The following ILKAP variants were observed in gnomAD, a reference collection of about 807,000 sequenced individuals.
ILKAP encodes integrin-linked kinase-associated serine/threonine phosphatase 2C.
Under a neutral mutation model 49.1 loss-of-function variants are expected in ILKAP, and 11 were observed. The observed-to-expected ratio is 0.22, with a 90% confidence interval of 0.14 to 0.37. ILKAP has a LOEUF of 0.37. ILKAP is among the 10% of genes least tolerant of loss of function. The pLI, the probability that ILKAP is intolerant of heterozygous loss-of-function variation, is 1.00. For synonymous variants in ILKAP, 186 were observed against 192.8 expected (o/e 0.96, Z 0.29); for missense variants, 363 against 510.8 (o/e 0.71, Z 2.79).
chr2:238,188,152 C>A lies in ILKAP; in HGVS notation c.404G>T (p.Cys135Phe). 4 of 1,614,162 alleles carry A rather than the reference C, an allele frequency of 2.5e-6. No homozygotes were observed. The highest frequency in any genetic ancestry group is 3.4e-6 in the Non-Finnish European group (4 of 1,180,028). Residue 135 changes from cysteine to phenylalanine, a missense_variant, in exon 5 of 12, where the codon TGT becomes TTT. Transcript: ENST00000254654. ...HVILNDITEECRPPSSLITRV... is the reference protein window; with the variant it reads ...HVILNDITEEFRPPSSLITRV... ...TCACATGAGGGACGATGGGGGCCTA[C>A]ACTCCTCGGTGATGTCGTTCAGGAT...
In ILKAP at chr2:238,203,544, A is replaced by G; in HGVS notation, c.10T>C (p.Phe4Leu). ...CGCTCGGGCTCCGGCAGGTCCCCGA[A>G]GAGGTCCATGGCGGAGGCTGGGTGG... The part of the protein sequence containing the change: MDL[F>L]GDLPEPERSP... Residue 4 changes from phenylalanine to leucine, a missense_variant, in exon 1 of 12, where the codon TTC (phenylalanine) becomes CTC (leucine). By Grantham distance (22) the Phe-to-Leu change is conservative (BLOSUM62 0). Around this residue, in one of 3 missense-constraint regions of ILKAP, gnomAD observed 114 missense variants for 116.0 expected, o/e 0.98. Transcript: ENST00000254654. 1.7e-6 allele frequency: 2 copies of G among 1,208,712 alleles called. No individual in the cohort carries two copies. The highest frequency in any genetic ancestry group is 2.4e-5 in the South Asian group (1 of 40,856). 74.9% of individuals were successfully genotyped at this position (1,208,712 alleles called of 1,614,324 possible).
intron 9 of ILKAP, among the ~76,000 whole-genome samples, chr2:238,175,120 CTCTTT>C (rs1378962237): frequency 2.9e-5 from 4 of 139,598 alleles, no homozygotes; most frequent in Admixed American, 7.1e-5. Flanking sequence ...CTCTCATTCT[CTCTTT>C]TTTTTTTTAA....
intron 9 of ILKAP, among the ~76,000 whole-genome samples, 189 bp downstream of exon 9, chr2:238,181,876 T>C (rs1574788286): frequency 6.6e-6 from 1 of 152,296 alleles, no homozygotes; most frequent in East Asian, 1.9e-4. Flanking sequence ...GGAGGCAAGT[T>C]TCCTTCCACG....
chr2:238,195,776 C>T (rs1171809600), intron 1 of ILKAP, among the ~76,000 whole-genome samples: 1 of 152,142 alleles, frequency 6.6e-6, no homozygotes, highest in Non-Finnish European at 1.5e-5. Context: ...GGCGCAGTGG[C>T]TCATGCCTAT....
chr2:238,173,421 G>A, intron 10 of ILKAP, 113 bp downstream of exon 10: 1 of 1,366,474 alleles, frequency 7.3e-7, no homozygotes, highest in South Asian at 1.3e-5. Context: ...GCACCCCCAG[G>A]GCCTAGCACC....
At chr2:238,189,625 CA>C (rs1196759355) in intron 4 of ILKAP, 1 of 329,640 alleles carries the variant, frequency 3.0e-6, no homozygotes, top group Admixed American at 4.6e-5. Context: ...TCTTGAGGAA[CA>C]AATGTAGGTT....
At chr2:238,194,394 C>T (rs1186316083) in intron 2 of ILKAP, 63 bp from the exon 3 acceptor site, 1 of 1,497,488 alleles carries the variant, frequency 6.7e-7, no homozygotes, top group African/African-American at 1.4e-5. Flanking sequence ...GTTTCAGAAT[C>T]CATCCCACCA....
intron 9 of ILKAP, among the ~76,000 whole-genome samples, chr2:238,179,693 G>T (rs1693608430): frequency 6.6e-6 from 1 of 152,166 alleles, no homozygotes; most frequent in Admixed American, 6.5e-5. Context: ...GCCTACTGAA[G>T]TGAAGGACTA....
At chr2:238,189,296 C>G (rs968374414) in intron 4 of ILKAP, among the ~76,000 whole-genome samples, 2 of 151,388 alleles carry the variant, frequency 1.3e-5, no homozygotes, top group African/African-American at 4.9e-5. Context: ...GGCGACAGAG[C>G]GAGACTCTGT....
At position 238,203,484 on chromosome 2, in the gene ILKAP, G is replaced by A. The variant is rs1204707118; in HGVS notation, c.55+15C>T. The stretch of plus-strand genomic sequence containing the variant: ...CTCTCCCTTCCCTGGCCGGCCCGGC[G>A]GCAACGCCGCTTACCGGCAGCCGGG... On this transcript the variant is annotated intron_variant, in intron 1 of 11. Coordinates refer to ENST00000254654, the MANE Select transcript of ILKAP (RefSeq NM_030768.3). 5.6e-6 allele frequency: 7 copies of A among 1,246,610 alleles called. No homozygotes were observed. The highest frequency in any genetic ancestry group is 3.2e-5 in the African/African-American group (2 of 62,732). 77.2% of individuals were successfully genotyped at this position (1,246,610 alleles called of 1,614,324 possible). A position where few individuals can be genotyped will look rare whatever the true frequency, so the allele number is the denominator to read the frequency against.
intron 10 of ILKAP, among the ~76,000 whole-genome samples, chr2:238,171,603 A>T (rs1693221815): frequency 6.6e-6 from 1 of 152,248 alleles, no homozygotes; most frequent in Admixed American, 6.5e-5. Context: ...TACCTCAAAC[A>T]TTAGGTGCTG....
intron 11 of ILKAP, 117 bp downstream of exon 11, chr2:238,170,826 T>C: frequency 1.4e-6 from 2 of 1,453,932 alleles, no homozygotes; most frequent in Non-Finnish European, 1.9e-6. Context: ...GAGTTCACAC[T>C]GAAAAAGGGC....
At chr2:238,193,168 G>A (rs1258387752) in intron 3 of ILKAP, among the ~76,000 whole-genome samples, 1 of 152,190 alleles carries the variant, frequency 6.6e-6, no homozygotes, top group Non-Finnish European at 1.5e-5. Flanking sequence ...AGACAGCTAT[G>A]CTGTATCTTC....
chr2:238,184,213 C>A, intron 6 of ILKAP, 100 bp from the exon 7 acceptor site: 1 of 745,980 alleles, frequency 1.3e-6, no homozygotes, highest in East Asian at 2.6e-5. Flanking sequence ...TTTTTTGAGA[C>A]GGAGTCTCGT....
intron 1 of ILKAP, among the ~76,000 whole-genome samples, chr2:238,199,169 A>C (rs1436216745): frequency 6.6e-6 from 1 of 152,208 alleles, no homozygotes; most frequent in Admixed American, 6.5e-5. Flanking sequence ...TCCAACAGCC[A>C]CACATGGGAA....
At chr2:238,186,015 C>T (rs1210299311) in intron 5 of ILKAP, 4 of 152,194 alleles carry the variant, frequency 2.6e-5, no homozygotes, top group South Asian at 2.1e-4. Flanking sequence ...TTCAGAACTC[C>T]GTTCCTATTT....
At chr2:238,201,711 G>C (rs925612872) in intron 1 of ILKAP, among the ~76,000 whole-genome samples, 1 of 152,210 alleles carries the variant, frequency 6.6e-6, no homozygotes, top group African/African-American at 2.4e-5. Flanking sequence ...AAAAAGCAAT[G>C]GAGATTTTAA....
intron 9 of ILKAP, among the ~76,000 whole-genome samples, chr2:238,177,528 A>C (rs1198745743): frequency 6.6e-6 from 1 of 151,966 alleles, no homozygotes; most frequent in African/African-American, 2.4e-5. Context: ...CCACCATTCT[A>C]CTTTCTGTGA....
At chr2:238,190,079 C>A in intron 3 of ILKAP, 107 bp from the exon 4 acceptor site, 5 of 1,195,596 alleles carry the variant, frequency 4.2e-6, no homozygotes, top group Non-Finnish European at 3.4e-6. Flanking sequence ...TCATTTGAAG[C>A]AAGGACTGGC....
Sources: allele counts gnomAD v4.1 joint callset (sites outside exome capture counted in the v4.1 genomes callset), GRCh38; gene constraint gnomAD v4.1.1; regional missense constraint gnomAD v4.1.1; transcripts MANE v1.5; gene names NCBI Gene and HGNC (gene_info 2026-07-23, HGNC 2026-07-21).